Variants in CCR6 observed in about 807,000 individuals in gnomAD.
The protein encoded by CCR6 is C-C chemokine receptor type 6.
CCR6 carries 2 observed loss-of-function variants against 3.0 expected under a neutral mutation model. The ratio of observed to expected loss-of-function variants is 0.66; its 90% CI spans 0.27 to 2.07. The LOEUF is 2.07. Among genes scored for constraint, CCR6 ranks in the 30% most tolerant of loss-of-function variants. The pLI is 0.14. For missense variants in CCR6, 322 were observed against 462.8 expected (o/e 0.70, Z 2.79); for synonymous variants, 193 against 184.3 (o/e 1.05, Z -0.38).
At chr6:167,132,847 G>T (rs1287313574) in intron 1 of CCR6, among the ~76,000 whole-genome samples, 1 of 152,098 alleles carries the variant, frequency 6.6e-6, no homozygotes, top group Non-Finnish European at 1.5e-5. Flanking sequence ...AGCCTTCATT[G>T]TGGTTTTAAT....
At chr6:167,118,374 C>G (rs1781534063), upstream of CCR6, among the ~76,000 whole-genome samples, 2 of 152,140 alleles carry the variant, frequency 1.3e-5, no homozygotes, top group African/African-American at 2.4e-5. Flanking sequence ...TGACATGAGT[C>G]TAAAGTCATG....
upstream of CCR6, among the ~76,000 whole-genome samples, chr6:167,121,156 T>C (rs1179001805): frequency 6.6e-6 from 1 of 152,240 alleles, no homozygotes; most frequent in African/African-American, 2.4e-5. Flanking sequence ...TCCCTGCCTC[T>C]GTGCAGTCTA....
chr6:167,115,575 T>A (rs769509645), intron 1 of CCR6: 1 of 152,220 alleles, frequency 6.6e-6, no homozygotes, highest in Non-Finnish European at 1.5e-5. Context: ...TTGTCCACTG[T>A]TCTGGAAACT....
At chr6:167,129,176 C>T (rs986997726) in intron 1 of CCR6, among the ~76,000 whole-genome samples, 1 of 152,240 alleles carries the variant, frequency 6.6e-6, no homozygotes, top group African/African-American at 2.4e-5. Context: ...ATTGTCCAGA[C>T]ACCTAGCAAG....
At chr6:167,118,501 G>A (rs545538172), upstream of CCR6, among the ~76,000 whole-genome samples, 20 of 152,112 alleles carry the variant, frequency 1.3e-4, 1 homozygote, top group South Asian at 8.3e-4. Flanking sequence ...GTTCTTCTAC[G>A]TAGAAATAAA....
rs1452507087 is a variant in CCR6, at chr6:167,138,025, C to G, written c.*670C>G. On this transcript the variant is annotated 3_prime_UTR_variant, in exon 3 of 3. Transcript: ENST00000341935. ...AATTGTCACCAATTGGATAAAGCAG[C>G]TCAGGTTGTAGTGGGCCATTAGGAA... is the stretch of plus-strand genomic sequence containing the variant. The G allele has an allele frequency of 6.6e-6, 1 of 152,460 alleles. No individual in the cohort carries two copies. The highest frequency in any genetic ancestry group is 1.5e-5 in the Non-Finnish European group (1 of 68,176). 9.4% of individuals were successfully genotyped at this position (152,460 alleles called of 1,614,324 possible). A position where few individuals can be genotyped will look rare whatever the true frequency, so the allele number is the denominator to read the frequency against.
At chr6:167,134,434 G>T (rs1321688437) in intron 1 of CCR6, among the ~76,000 whole-genome samples, 2 of 152,190 alleles carry the variant, frequency 1.3e-5, no homozygotes, top group African/African-American at 4.8e-5. Context: ...TAGGCCCAAA[G>T]CAGTGACTGA....
Position 167,137,167 on chromosome 6 carries a change from C to G in CCR6, c.937C>G (p.Pro313Ala). ...GGCTTTCCTGCACTGCTGCCTGAAC[C>G]CTGTGCTCTACGCTTTTATTGGGCA... The part of the protein sequence containing the change: ...VLAFLHCCLN[P>A]VLYAFIGQKF... Residue 313 changes from proline (P) to alanine (A), a missense_variant, in exon 3 of 3, where the codon CCT becomes GCT. Coordinates refer to ENST00000341935, the MANE Select transcript of CCR6 (RefSeq NM_031409.4). This position sits in a 1 kb window ranked among gnomAD's most constrained non-coding sequence, Gnocchi z 4.6. 3 of 1,614,104 alleles carry G rather than the reference C, an allele frequency of 1.9e-6. No individual in the cohort carries two copies. The highest frequency in any genetic ancestry group is 2.5e-6 in the Non-Finnish European group (3 of 1,179,984).
rs747383397 is a variant in CCR6, at chr6:167,136,296, C to G, written c.66C>G (p.Val22=). 1.9e-6 allele frequency: 3 copies of G among 1,611,546 alleles called. No homozygotes were observed. Among genetic ancestry groups the G allele is most frequent in the South Asian group, 1.1e-5 (1 of 90,302 alleles). ...CCAGTGAAGATTATTTTGTGTCAGT[C>G]AATACTTCATATTACTCAGTTGATT... The part of the protein sequence containing the change: ...FDSSEDYFVS[V]NTSYYSVDSE... The change falls in exon 3 of 3, where the codon GTC becomes GTG. Residue 22 remains valine (V), a synonymous_variant. Transcript: ENST00000341935. The surrounding 1 kb of genome is among the most constrained non-coding windows in gnomAD (Gnocchi z 4.6).
upstream of CCR6, among the ~76,000 whole-genome samples, chr6:167,122,517 A>G (rs930161687): frequency 2.0e-5 from 3 of 152,168 alleles, no homozygotes; most frequent in Non-Finnish European, 4.4e-5. This position sits in a 1 kb window ranked among gnomAD's most constrained non-coding sequence, Gnocchi z 4.2. Context: ...AGTATCTTGT[A>G]ATAATAGCTG....
At chr6:167,116,448 T>C (rs11967165) in intron 1 of CCR6, among the ~76,000 whole-genome samples, 66,949 of 152,126 alleles carry the variant, frequency 0.44, 15,141 homozygotes, top group Admixed American at 0.52. Context: ...TCTGAGGCCC[T>C]CCTCTCAGCC....
Position 167,138,625 on chromosome 6 carries a change from C to T in CCR6, c.*1270C>T, listed in dbSNP as rs11575083. 0.016 allele frequency: 2,469 copies of T among 152,244 alleles called. 21 individuals carry two copies. The highest frequency in any genetic ancestry group is 0.019 in the African/African-American group (781 of 41,472). The allele number at this position is 152,244 out of a possible 1,614,324, so 9.4% of individuals were successfully genotyped here. ...AACTTGTGTTACAAAAATACAAACACATGTTAGGAAGGTACTGTCATGGGC... is the reference window on the plus strand; with the variant it reads ...AACTTGTGTTACAAAAATACAAACATATGTTAGGAAGGTACTGTCATGGGC... On this transcript the variant is annotated 3_prime_UTR_variant, in exon 3 of 3. Coordinates refer to ENST00000341935, the MANE Select transcript of CCR6 (RefSeq NM_031409.4).
rs191972938 is a variant in CCR6, at chr6:167,137,474, C to G, written c.*119C>G. The G allele has an allele frequency of 2.0e-6, 2 of 978,102 alleles. No homozygotes were observed. The highest frequency in any genetic ancestry group is 2.5e-5 in the East Asian group (1 of 39,322). The allele number at this position is 978,102 out of a possible 1,614,324, so 60.6% of individuals were successfully genotyped here. A position where few individuals can be genotyped will look rare whatever the true frequency, so the allele number is the denominator to read the frequency against. On this transcript the variant is annotated 3_prime_UTR_variant, in exon 3 of 3. Transcript: ENST00000341935. The surrounding 1 kb of genome is among the most constrained non-coding windows in gnomAD (Gnocchi z 4.6). ...GAATTAAGCAAAATCAAGCAAGCCT[C>G]TCTCCTGCGGGACTTAACGTGCTCA...
intron 1 of CCR6, among the ~76,000 whole-genome samples, chr6:167,133,932 GTATATATA>G (rs6149918): frequency 0.027 from 2,950 of 110,344 alleles, 211 homozygotes; most frequent in African/African-American, 0.098. Flanking sequence ...ATATATGTGT[GTATATATA>G]TATATATATA....
chr6:167,124,368 C>T (rs1040127165), intron 1 of CCR6, among the ~76,000 whole-genome samples: 3 of 151,496 alleles, frequency 2.0e-5, no homozygotes, highest in Admixed American at 6.6e-5. Flanking sequence ...CACTCTCATT[C>T]AAAAGCAGAA....
Position 167,138,212 on chromosome 6 carries a change from C to G in CCR6, c.*857C>G, listed in dbSNP as rs1263926771. 2 of 152,050 alleles carry G rather than the reference C, an allele frequency of 1.3e-5. No individual in the cohort carries two copies. Among genetic ancestry groups the G allele is most frequent in the Non-Finnish European group, 2.9e-5 (2 of 68,020 alleles). 9.4% of individuals were successfully genotyped at this position (152,050 alleles called of 1,614,324 possible). On this transcript the variant is annotated 3_prime_UTR_variant, in exon 3 of 3. Coordinates refer to ENST00000341935, the MANE Select transcript of CCR6 (RefSeq NM_031409.4). ...GCGGAGTTCCAGCAAACAAAATGGA[C>G]TCAAGAGAGATTTGATTAATGAATC... is the stretch of plus-strand genomic sequence containing the variant.
chr6:167,128,776 G>C (rs1468211323), intron 1 of CCR6, among the ~76,000 whole-genome samples: 1 of 152,168 alleles, frequency 6.6e-6, no homozygotes, highest in Non-Finnish European at 1.5e-5. Context: ...GTTTCACCAT[G>C]TTGGCCATGC....
intron 1 of CCR6, chr6:167,115,175 A>G (rs1049871253): frequency 6.6e-6 from 1 of 152,188 alleles, no homozygotes; most frequent in African/African-American, 2.4e-5. Flanking sequence ...CTCCTCAGAC[A>G]CTGGATGGGG....
At chr6:167,130,960 TCCTCCCTCTGGGACCAC>T (rs1442135360) in intron 1 of CCR6, among the ~76,000 whole-genome samples, 4 of 129,234 alleles carry the variant, frequency 3.1e-5, no homozygotes, top group East Asian at 5.0e-4. Flanking sequence ...CCTCCGGGAC[TCCTCCCTCTGGGACCAC>T]CCTCCCTCTG....
Sources: gnomAD v4.1 joint callset for allele counts (sites outside exome capture counted in the v4.1 genomes callset) on GRCh38, gnomAD v4.1.1 for gene constraint, Gnocchi (gnomAD v3.1) non-coding constraint, MANE v1.5 for transcripts, NCBI Gene and HGNC (gene_info 2026-07-23, HGNC 2026-07-21) for gene names.